Variants in CACNA1H observed in about 807,000 individuals in gnomAD.
CACNA1H encodes voltage-dependent T-type calcium channel subunit alpha-1H.
Under a neutral mutation model 192.5 loss-of-function variants are expected in CACNA1H, and 149 were observed. The ratio of observed to expected loss-of-function variants is 0.77; its 90% CI spans 0.68 to 0.89. The LOEUF is 0.89. Among genes scored for constraint, CACNA1H ranks in the 40% least tolerant of loss-of-function variants. The pLI, the probability that CACNA1H is intolerant of heterozygous loss-of-function variation, is 0.00. For missense variants in CACNA1H, 4,257 were observed against 3,423.5 expected (o/e 1.24, Z -6.08); for synonymous variants, 2,202 against 1,475.2 (o/e 1.49, Z -11.29).
At chr16:1,215,215 G>T in intron 28 of CACNA1H, 27 bp from the exon 29 acceptor site, 2 of 1,592,172 alleles carry the variant, frequency 1.3e-6, no homozygotes, top group Admixed American at 1.8e-5. Context: ...GACCCCAGAC[G>T]TGTGCGCTGA....
At chr16:1,159,380 G>A (rs2151638961) in intron 2 of CACNA1H, among the ~76,000 whole-genome samples, 1 of 152,276 alleles carries the variant, frequency 6.6e-6, no homozygotes, top group South Asian at 2.1e-4. Context: ...GTCCAGGCAG[G>A]GGGACAGTGC....
Position 1,186,719 on chromosome 16 carries a change from G to A in CACNA1H, c.300-8253G>A, listed in dbSNP as rs570999558. Among the ~76,000 whole-genome samples, 14 of 152,286 alleles carry A rather than the reference G, an allele frequency of 9.2e-5. 1 individual carries two copies. Among genetic ancestry groups the A allele is most frequent in the Admixed American group, 6.5e-4 (10 of 15,304 alleles). On this transcript the variant is annotated intron_variant, in intron 2 of 34. Coordinates refer to ENST00000348261, the MANE Select transcript of CACNA1H (RefSeq NM_021098.3). ...CCCGTGGCACCACCGCCTCCTCAAC[G>A]GGTGGCCACGTAATGCTTCCTGGCC...
At position 1,195,180 on chromosome 16, in the gene CACNA1H, G is replaced by A. The variant is rs1395692916; in HGVS notation, c.411+97G>A. ...GCGGGGGCGGGGCAAGGTTCAAGGT[G>A]GGGCGTGGAGTGGGTCAGGGTCGGG... On this transcript the variant is annotated intron_variant, in intron 3 of 34. Coordinates refer to ENST00000348261, the MANE Select transcript of CACNA1H (RefSeq NM_021098.3). 5.1e-6 allele frequency: 5 copies of A among 972,598 alleles called. No homozygotes were observed. In the East Asian group the frequency reaches 1.2e-4, roughly 24 times the overall value. 60.2% of individuals were successfully genotyped at this position (972,598 alleles called of 1,614,324 possible).
At chr16:1,200,908 T>G (rs1967794063) in intron 8 of CACNA1H, 100 bp downstream of exon 8, 3 of 658,142 alleles carry the variant, frequency 4.6e-6, no homozygotes, top group Non-Finnish European at 7.5e-6. Flanking sequence ...CTGTCTGTCT[T>G]CCAGCTGAAG....
chr16:1,212,074 G>C lies in CACNA1H; in HGVS notation c.4695G>C (p.Gln1565His). The change falls in exon 25 of 35, where the codon CAG becomes CAC. Residue 1565 changes from glutamine (Q) to histidine (H), a missense_variant. By Grantham distance (24) the Gln-to-His change is conservative. Transcript: ENST00000348261. ...ACTTCCACAAGTGCCGGCAGCACCA[G>C]GAGGCGGAGGAGGCGCGGCGGCGAG... is the stretch of plus-strand genomic sequence containing the variant. ...VENFHKCRQHQEAEEARRREE... is the reference protein window; with the variant it reads ...VENFHKCRQHHEAEEARRREE... 1.2e-6 allele frequency: 2 copies of C among 1,612,710 alleles called. No homozygotes were observed. The highest frequency in any genetic ancestry group is 1.1e-5 in the South Asian group (1 of 91,066).
At chr16:1,178,771 CCT>C (rs150783749) in intron 2 of CACNA1H, among the ~76,000 whole-genome samples, 2,735 of 152,296 alleles carry the variant, frequency 0.018, 72 homozygotes, top group African/African-American at 0.061. Context: ...TGCCCCTGCC[CCT>C]GTCTCCTCCA....
At chr16:1,192,176 G>GT (rs945228195) in intron 2 of CACNA1H, among the ~76,000 whole-genome samples, 4 of 152,256 alleles carry the variant, frequency 2.6e-5, no homozygotes, top group African/African-American at 9.6e-5. Flanking sequence ...AGAGGTCGGG[G>GT]AGGGGCACCC....
intron 2 of CACNA1H, among the ~76,000 whole-genome samples, chr16:1,183,614 TGGGGTC>T (rs570960220): frequency 1.0e-3 from 152 of 152,320 alleles, no homozygotes; most frequent in African/African-American, 3.5e-3. Flanking sequence ...GTCGTGGCAT[TGGGGTC>T]GGGGGTCCGG....
intron 2 of CACNA1H, among the ~76,000 whole-genome samples, chr16:1,187,033 G>C (rs1180206286): frequency 6.6e-6 from 1 of 152,376 alleles, no homozygotes; most frequent in East Asian, 1.9e-4. Flanking sequence ...CAAAGCTGTT[G>C]CTTCCTCTGC....
intron 5 of CACNA1H, among the ~76,000 whole-genome samples, chr16:1,197,370 G>A (rs1461872607): frequency 6.6e-6 from 1 of 152,208 alleles, no homozygotes; most frequent in African/African-American, 2.4e-5. Flanking sequence ...CCCACCTGTT[G>A]AAGCGTGAAG....
chr16:1,206,787 C>T (rs1442882184), intron 12 of CACNA1H: 9 of 546,688 alleles, frequency 1.6e-5, no homozygotes, highest in East Asian at 6.0e-5. Context: ...TTGGTTCTCT[C>T]GCCTGTGGAA....
intron 2 of CACNA1H, among the ~76,000 whole-genome samples, chr16:1,171,706 A>C (rs1964384805): frequency 6.6e-6 from 1 of 151,760 alleles, no homozygotes; most frequent in Non-Finnish European, 1.5e-5. Context: ...GCCCACAGAG[A>C]CCACCACCCT....
In CACNA1H at chr16:1,200,607, CACGGCAGGGG is replaced by C; in HGVS notation, c.1119+38_1119+47del. 4.4e-6 allele frequency: 7 copies of C among 1,606,148 alleles called. 1 individual carries two copies. The South Asian group carries it at 7.7e-5, about 18-fold the overall frequency. On this transcript the variant is annotated intron_variant, in intron 7 of 34. Transcript: ENST00000348261. ...AGATGGTGGGACGGGGACCCTGGGG[CACGGCAGGGG>C]AGCGGGTGCAGGACTCGCCCCCCCC...
chr16:1,196,602 C>G (rs532580583), intron 5 of CACNA1H, among the ~76,000 whole-genome samples: 1 of 152,204 alleles, frequency 6.6e-6, no homozygotes, highest in African/African-American at 2.4e-5. Context: ...GCCTCCGTGT[C>G]CCCTGCTGAG....
chr16:1,220,655 G>C lies in CACNA1H; in HGVS notation c.6723G>C (p.Gly2241=), dbSNP rs759928266. ...AGCCCACAGAGGGCTCAGGCGCCGGGGGGGACCCTGCAGCCAAGGGGGAGC... is the reference window on the plus strand; with the variant it reads ...AGCCCACAGAGGGCTCAGGCGCCGGCGGGGACCCTGCAGCCAAGGGGGAGC... ...SLEPTEGSGA[G]GDPAAKGERW... Residue 2241 remains glycine, a synonymous_variant, in exon 35 of 35, where the codon GGG becomes GGC. Coordinates refer to ENST00000348261, the MANE Select transcript of CACNA1H (RefSeq NM_021098.3). 2.5e-6 allele frequency: 4 copies of C among 1,605,988 alleles called. No homozygotes were observed. In the South Asian group the frequency reaches 4.4e-5, roughly 18 times the overall value.
intron 9 of CACNA1H, among the ~76,000 whole-genome samples, chr16:1,203,671 C>T (rs1339386415): frequency 2.0e-5 from 3 of 152,172 alleles, no homozygotes; most frequent in Non-Finnish European, 2.9e-5. Context: ...GAACTCTCCT[C>T]GCCTCTCCTA....
Position 1,209,172 on chromosome 16 carries a change from T to G in CACNA1H, c.3504T>G (p.Ser1168=). ...GTGGGGAACGTGAGTCCCTGCTGTC[T>G]GGCGAGGGCAAGGGCAGCACCGACG... The part of the protein sequence containing the change: ...GQCGERESLL[S]GEGKGSTDDE... The change falls in exon 17 of 35, where the codon TCT becomes TCG. Residue 1168 remains serine, a synonymous_variant. Transcript: ENST00000348261. 2 of 1,552,982 alleles carry G rather than the reference T, an allele frequency of 1.3e-6. No individual in the cohort carries two copies. Among genetic ancestry groups the G allele is most frequent in the Non-Finnish European group, 1.7e-6 (2 of 1,149,308 alleles).
At chr16:1,172,273 C>G (rs959743854) in intron 2 of CACNA1H, among the ~76,000 whole-genome samples, 1 of 152,162 alleles carries the variant, frequency 6.6e-6, no homozygotes, top group African/African-American at 2.4e-5. Flanking sequence ...GGGGCTCCCC[C>G]CACAGTGCAT....
intron 18 of CACNA1H, 32 bp from the exon 19 acceptor site, chr16:1,210,338 G>GC: frequency 9.1e-5 from 27 of 296,990 alleles, no homozygotes; most frequent in South Asian, 2.4e-4. Flanking sequence ...ACGCCGCCCC[G>GC]CCCCACCTCT....
Sources: allele counts gnomAD v4.1 joint callset (sites outside exome capture counted in the v4.1 genomes callset), GRCh38; gene constraint gnomAD v4.1.1; transcripts MANE v1.5; gene names NCBI Gene and HGNC (gene_info 2026-07-23, HGNC 2026-07-21).